Variants in TTLL11 observed in about 807,000 individuals in gnomAD.
TTLL11 encodes tubulin tyrosine ligase like 11, also known as tubulin polyglutamylase TTLL11.
TTLL11 carries 42 observed loss-of-function variants against 51.7 expected under a neutral mutation model. The ratio of observed to expected loss-of-function variants is 0.81; its 90% confidence interval spans 0.64 to 1.05. TTLL11 has a LOEUF of 1.05. Among genes scored for constraint, TTLL11 ranks in the 50% least tolerant of loss-of-function variants. The pLI is 0.00. For synonymous variants in TTLL11, 381 were observed against 383.5 expected (o/e 0.99, Z 0.08); for missense variants, 799 against 940.4 (o/e 0.85, Z 1.97).
chr9:121,947,907 A>G (rs1841727495), intron 6 of TTLL11, among the ~76,000 whole-genome samples: 1 of 152,238 alleles, frequency 6.6e-6, no homozygotes, highest in African/African-American at 2.4e-5. Context: ...CTCGATAGCT[A>G]CAAAGCCTGG....
At chr9:121,981,020 G>A (rs1219945630) in intron 4 of TTLL11, among the ~76,000 whole-genome samples, 2 of 152,104 alleles carry the variant, frequency 1.3e-5, no homozygotes, top group African/African-American at 2.4e-5. Context: ...TCTGGGGGGA[G>A]TGTGTGTGTC....
chr9:122,042,026 T>C (rs2131829918), intron 1 of TTLL11, among the ~76,000 whole-genome samples: 1 of 151,030 alleles, frequency 6.6e-6, no homozygotes, highest in East Asian at 1.9e-4. Flanking sequence ...TTTTTTTTTT[T>C]TGAAACAGAG....
chr9:121,933,261 C>A (rs1004579636), intron 6 of TTLL11, among the ~76,000 whole-genome samples: 1 of 151,930 alleles, frequency 6.6e-6, no homozygotes, highest in South Asian at 2.1e-4. Flanking sequence ...CCATAGATGC[C>A]GGGAAAGAGA....
chr9:121,850,667 A>AG (rs1165235829), intron 8 of TTLL11, among the ~76,000 whole-genome samples: 1 of 152,162 alleles, frequency 6.6e-6, no homozygotes, highest in Non-Finnish European at 1.5e-5. Flanking sequence ...ACTCACATTG[A>AG]GAGTGAATCT....
chr9:121,993,876 T>G (rs956405104), intron 3 of TTLL11, among the ~76,000 whole-genome samples: 2 of 152,186 alleles, frequency 1.3e-5, no homozygotes, highest in African/African-American at 4.8e-5. Flanking sequence ...CCTTTGTCAC[T>G]CAGGTGGATT....
At chr9:122,034,527 G>A (rs1029629954) in intron 2 of TTLL11, among the ~76,000 whole-genome samples, 3 of 152,222 alleles carry the variant, frequency 2.0e-5, no homozygotes, top group Admixed American at 6.5e-5. Flanking sequence ...AGGGACGGGT[G>A]TAGACTTCTC....
chr9:122,004,888 A>T (rs1217621973), intron 3 of TTLL11, among the ~76,000 whole-genome samples: 1 of 152,194 alleles, frequency 6.6e-6, no homozygotes, highest in African/African-American at 2.4e-5. Context: ...CAAGAACCAC[A>T]TCAGCTTGGT....
intron 8 of TTLL11, among the ~76,000 whole-genome samples, chr9:121,828,388 T>C (rs1291694798): frequency 1.3e-5 from 2 of 152,162 alleles, no homozygotes; most frequent in Admixed American, 6.5e-5. Flanking sequence ...TTGGCCAGGC[T>C]GGTCTTAAAC....
At chr9:121,964,216 A>G (rs1842329329) in intron 6 of TTLL11, among the ~76,000 whole-genome samples, 1 of 152,092 alleles carries the variant, frequency 6.6e-6, no homozygotes, top group Non-Finnish European at 1.5e-5. Context: ...CTAAGAATAA[A>G]GACTGTGACA....
At chr9:121,984,819 G>A (rs950205401) in intron 4 of TTLL11, among the ~76,000 whole-genome samples, 43 of 152,212 alleles carry the variant, frequency 2.8e-4, no homozygotes, top group African/African-American at 1.0e-3. Context: ...AAGCTGAGCT[G>A]GAAGCCTTTC....
intron 6 of TTLL11, among the ~76,000 whole-genome samples, chr9:121,940,717 T>C (rs1841423153): frequency 1.3e-5 from 2 of 152,124 alleles, no homozygotes; most frequent in African/African-American, 4.8e-5. Context: ...AAAACACCAT[T>C]TCTTACTCTA....
At chr9:121,961,259 A>G (rs4837927) in intron 6 of TTLL11, among the ~76,000 whole-genome samples, 35,225 of 151,978 alleles carry the variant, frequency 0.23, 4,473 homozygotes, top group Non-Finnish European at 0.3. Flanking sequence ...AAACCCTTTC[A>G]GCTTACACAT....
intron 8 of TTLL11, among the ~76,000 whole-genome samples, chr9:121,826,535 G>A (rs1281513345): frequency 0.094 from 3,319 of 35,406 alleles, 198 homozygotes; most frequent in Middle Eastern, 0.14. Context: ...ATATGTGTGT[G>A]TGTATATATA....
At chr9:121,978,986 G>T (rs1288998351) in intron 4 of TTLL11, among the ~76,000 whole-genome samples, 5 of 151,972 alleles carry the variant, frequency 3.3e-5, no homozygotes, top group Admixed American at 3.3e-4. Flanking sequence ...CGCACACACT[G>T]GGGTGTGACC....
chr9:121,833,397 C>T (rs1837085196), intron 8 of TTLL11, among the ~76,000 whole-genome samples: 2 of 152,192 alleles, frequency 1.3e-5, no homozygotes, highest in African/African-American at 2.4e-5. Context: ...GGGAAGGCAT[C>T]GTTGCACTCA....
intron 3 of TTLL11, among the ~76,000 whole-genome samples, chr9:122,030,001 T>C (rs992563030): frequency 6.6e-6 from 1 of 152,192 alleles, no homozygotes; most frequent in African/African-American, 2.4e-5. Context: ...CCGTATAGCC[T>C]GGATGTGTAG....
At position 121,912,736 on chromosome 9, in the gene TTLL11, A is replaced by G. The variant is rs1476743724; in HGVS notation, c.1482-41988T>C. Among the ~76,000 whole-genome samples, 5 of 152,030 alleles carry G rather than the reference A, an allele frequency of 3.3e-5. No individual in the cohort carries two copies. In the East Asian group the frequency reaches 9.6e-4, roughly 29 times the overall value. ...CTGGCACAGGGCAGATATTCAACAC[A>G]TACATGATATCAAGAATTTAGTAAG... On this transcript the variant is annotated intron_variant, in intron 6 of 8. Transcript: ENST00000321582.
rs887273232 is a variant in TTLL11 at position 122,092,952 on chromosome 9, G to A, written c.197C>T (p.Ala66Val). Residue 66 changes from alanine to valine, a missense_variant, in exon 1 of 9, where the codon GCC (alanine) becomes GTC (valine). Physicochemically the swap from Ala to Val is moderately conservative, Grantham distance 64 (BLOSUM62 0). Coordinates refer to ENST00000321582, the MANE Select transcript of TTLL11 (RefSeq NM_001139442.2). ...GEEQPKVLAP[A>V]PAQPSAAEEG... ...CTCAGCCGCACTGGGCTGCGCCGGGGCCGGGGCCAGGACCTTGGGCTGCTC... is the reference window on the plus strand; with the variant it reads ...CTCAGCCGCACTGGGCTGCGCCGGGACCGGGGCCAGGACCTTGGGCTGCTC... The A allele has an allele frequency of 2.2e-5, 34 of 1,578,550 alleles. No individual in the cohort carries two copies. The highest frequency in any genetic ancestry group is 2.9e-5 in the Non-Finnish European group (34 of 1,171,028).
chr9:121,933,955 C>T (rs555500308), intron 6 of TTLL11, among the ~76,000 whole-genome samples: 4 of 152,304 alleles, frequency 2.6e-5, no homozygotes, highest in East Asian at 3.9e-4. Flanking sequence ...TCCAGCCGGG[C>T]GCTGTGGCTC....
Sources: gnomAD v4.1 joint callset for allele counts (sites outside exome capture counted in the v4.1 genomes callset) on GRCh38, gnomAD v4.1.1 for gene constraint, MANE v1.5 for transcripts, NCBI Gene and HGNC (gene_info 2026-07-23, HGNC 2026-07-21) for gene names.